Variants in DIPK1A observed in about 807,000 individuals in gnomAD.
The protein encoded by DIPK1A is divergent protein kinase domain 1A.
DIPK1A carries 27 observed loss-of-function variants against 40.8 expected under a neutral mutation model. That is an observed-to-expected ratio of 0.66 (90% confidence interval 0.49 to 0.91). The LOEUF (loss-of-function observed/expected upper bound fraction) is 0.91, where lower values mean the gene tolerates loss of function less well. Ranked by LOEUF, DIPK1A falls within the 40% of genes least tolerant of loss-of-function variation. DIPK1A has a pLI of 0.00. For synonymous variants in DIPK1A, 166 were observed against 171.3 expected, an observed-to-expected ratio of 0.97 and a Z score of 0.24; for missense variants, 412 against 505.7, an observed-to-expected ratio of 0.81 and a Z score of 1.78.
At chr1:92,842,051 A>AGTT (rs777126065), downstream of DIPK1A, 31 of 797,580 alleles carry the variant, frequency 3.9e-5, no homozygotes, top group African/African-American at 4.3e-4. Context: ...TAAGAAAAAA[A>AGTT]GTTGTTATTT....
chr1:92,866,546 T>G (rs1005825480), intron 2 of DIPK1A, among the ~76,000 whole-genome samples: 1 of 152,246 alleles, frequency 6.6e-6, no homozygotes, highest in Non-Finnish European at 1.5e-5. Flanking sequence ...CATTTTAACC[T>G]GATGTGATGG....
chr1:92,854,841 C>T (rs1032054098), intron 2 of DIPK1A, among the ~76,000 whole-genome samples: 1 of 152,100 alleles, frequency 6.6e-6, no homozygotes, highest in African/African-American at 2.4e-5. Flanking sequence ...GCAGATGGCC[C>T]GCAATTTCAT....
chr1:92,920,513 TAC>T (rs1355811788), intron 1 of DIPK1A, among the ~76,000 whole-genome samples: 4 of 152,196 alleles, frequency 2.6e-5, no homozygotes, highest in African/African-American at 7.2e-5. Context: ...AAGGGACTAA[TAC>T]ACCAGGACAT....
intron 1 of DIPK1A, among the ~76,000 whole-genome samples, chr1:92,886,258 G>T (rs1458368320): frequency 3.3e-5 from 5 of 152,054 alleles, no homozygotes; most frequent in Non-Finnish European, 7.4e-5. Flanking sequence ...CTTGAGCTGG[G>T]GAGATTGAGG....
intron 2 of DIPK1A, among the ~76,000 whole-genome samples, chr1:92,857,626 A>G (rs1352245964): frequency 6.6e-6 from 1 of 152,070 alleles, no homozygotes; most frequent in Non-Finnish European, 1.5e-5. Flanking sequence ...CCCGGCTGTC[A>G]TATTGTTTTT....
intron 1 of DIPK1A, among the ~76,000 whole-genome samples, chr1:92,886,237 C>T (rs1648592637): frequency 6.6e-6 from 1 of 151,926 alleles, no homozygotes; most frequent in Admixed American, 6.6e-5. Context: ...AAGGCTGAGG[C>T]AGGAGGATTG....
intron 4 of DIPK1A, among the ~76,000 whole-genome samples, chr1:92,835,765 A>AT (rs1447617305): frequency 1.3e-5 from 2 of 151,202 alleles, no homozygotes; most frequent in African/African-American, 2.4e-5. Flanking sequence ...TGAAGATGGG[A>AT]TTTTGCCTTG....
intron 3 of DIPK1A, among the ~76,000 whole-genome samples, chr1:92,847,810 A>G (rs1687688468): frequency 6.6e-6 from 1 of 152,182 alleles, no homozygotes; most frequent in Non-Finnish European, 1.5e-5. Context: ...ATCATAGCTC[A>G]TTGCAGCCTC....
chr1:92,870,414 C>G (rs112336500), intron 2 of DIPK1A, among the ~76,000 whole-genome samples: 1 of 152,048 alleles, frequency 6.6e-6, no homozygotes, highest in East Asian at 1.9e-4. Context: ...TTAGCAGAGA[C>G]GGGGTTTCAC....
rs1452935868 is a variant in DIPK1A, at chr1:92,843,702, T to C, written c.968A>G (p.Lys323Arg). ...MRKIVPETNLKELIKDRHCES... is the reference protein window; with the variant it reads ...MRKIVPETNLRELIKDRHCES... ...ACAGTGACGATCCTTAATAAGTTCTTTCAGGTTTGTCTCTGGCACAATTTT... is the reference window on the plus strand; with the variant it reads ...ACAGTGACGATCCTTAATAAGTTCTCTCAGGTTTGTCTCTGGCACAATTTT... Residue 323 changes from lysine to arginine, a missense_variant, in exon 5 of 5, where the codon AAA becomes AGA. Transcript: ENST00000370310. The C allele has an allele frequency of 6.4e-7, 1 of 1,551,768 alleles. No individual in the cohort carries two copies. The highest frequency in any genetic ancestry group is 8.7e-7 in the Non-Finnish European group (1 of 1,147,004).
At chr1:92,927,212 T>C (rs2100864546) in intron 1 of DIPK1A, among the ~76,000 whole-genome samples, 1 of 152,322 alleles carries the variant, frequency 6.6e-6, no homozygotes, top group South Asian at 2.1e-4. Flanking sequence ...AAACAAGGTC[T>C]TGCTTTGTCA....
intron 1 of DIPK1A, among the ~76,000 whole-genome samples, chr1:92,939,122 G>A (rs1278283792): frequency 3.3e-5 from 5 of 152,000 alleles, no homozygotes; most frequent in African/African-American, 1.2e-4. Flanking sequence ...GACTGGTCTC[G>A]AACTCCTGAC....
intron 1 of DIPK1A, among the ~76,000 whole-genome samples, chr1:92,885,246 G>T (rs1403118617): frequency 6.6e-6 from 1 of 152,198 alleles, no homozygotes; most frequent in African/African-American, 2.4e-5. Context: ...TGTTGATACA[G>T]CCTGAGAATC....
At chr1:92,919,671 T>G (rs1406658363) in intron 1 of DIPK1A, among the ~76,000 whole-genome samples, 1 of 152,178 alleles carries the variant, frequency 6.6e-6, no homozygotes, top group Non-Finnish European at 1.5e-5. Flanking sequence ...CTCCATTAGA[T>G]GCAAATCCAG....
chr1:92,947,203 TTATAA>T (rs1651410229), intron 1 of DIPK1A, among the ~76,000 whole-genome samples: 1 of 152,150 alleles, frequency 6.6e-6, no homozygotes. Flanking sequence ...GGGGAAATAC[TTATAA>T]TAATACATCA....
chr1:92,932,670 T>G (rs545489113), intron 1 of DIPK1A: 1 of 152,336 alleles, frequency 6.6e-6, no homozygotes, highest in Non-Finnish European at 1.5e-5. Flanking sequence ...TGATTAAATG[T>G]GTATTCCTAA....
At chr1:92,833,119 T>G in intron 4 of DIPK1A, 1 of 684,006 alleles carries the variant, frequency 1.5e-6, no homozygotes, top group Non-Finnish European at 2.7e-6. Flanking sequence ...TTAAATGTAA[T>G]AAATTGGGGC....
In DIPK1A at chr1:92,855,135, A is replaced by G. The variant is rs140600725; in HGVS notation, c.190-4180T>C. 1.9e-3 allele frequency among the ~76,000 whole-genome samples: 283 copies of G among 152,288 alleles called. 1 individual carries two copies. The highest frequency in any genetic ancestry group is 6.6e-3 in the African/African-American group (274 of 41,582). On this transcript the variant is annotated intron_variant, in intron 2 of 4. Transcript: ENST00000370310. ...TAAAAAGTAAAACAAAAAAACAAAC[A>G]TATGTTTGGAAACTAAAAAGCATAT...
chr1:92,869,599 C>A (rs1009684191), intron 2 of DIPK1A, among the ~76,000 whole-genome samples: 2 of 152,138 alleles, frequency 1.3e-5, no homozygotes, highest in African/African-American at 4.8e-5. Flanking sequence ...TCTTCTGTGT[C>A]TCTTTATAAT....
Sources: gnomAD v4.1 joint callset for allele counts (sites outside exome capture counted in the v4.1 genomes callset) on GRCh38, gnomAD v4.1.1 for gene constraint, MANE v1.5 for transcripts, NCBI Gene and HGNC (gene_info 2026-07-23, HGNC 2026-07-21) for gene names.